CLCF1: variants seen among roughly 807,000 people sequenced by gnomAD.
CLCF1 encodes cardiotrophin like cytokine factor 1.
A neutral mutation model predicts 21.2 loss-of-function variants in CLCF1; 10 were observed. The observed-to-expected ratio is 0.47, with a 90% CI of 0.29 to 0.80. The LOEUF is 0.80. Ranked by LOEUF, CLCF1 falls within the 30% of genes least tolerant of loss-of-function variation. The probability of loss-of-function intolerance (pLI) is 0.09; values close to 1 mark genes in which losing one functional copy is unlikely to be tolerated. For missense variants in CLCF1, 240 were observed against 293.4 expected (o/e 0.82, Z 1.33); for synonymous variants, 115 against 120.5 (o/e 0.95, Z 0.30).
At position 67,367,548 on chromosome 11, in the gene CLCF1, C is replaced by T; in HGVS notation, c.95G>A (p.Gly32Glu). The T allele has an allele frequency of 6.2e-7, 1 of 1,613,496 alleles. No individual in the cohort carries two copies. Among genetic ancestry groups the T allele is most frequent in the Non-Finnish European group, 8.5e-7 (1 of 1,179,768 alleles). Residue 32 changes from glycine (G) to glutamate (E), a missense_variant, in exon 2 of 3, where the codon GGG becomes GAG. By Grantham distance (98) the Gly-to-Glu change is moderately conservative. Transcript: ENST00000312438. Reference protein sequence around the residue: ...LPAVPALNRTGDPGPGPSIQK... With the variant: ...LPAVPALNRTEDPGPGPSIQK... The stretch of plus-strand genomic sequence containing the variant: ...GATGGAGGGGCCAGGCCCTGGGTCC[C>T]CTGTGCGATTGAGAGCTGGCACTGC...
intron 1 of CLCF1, chr11:67,369,778 G>C (rs191112875): frequency 3.0e-6 from 3 of 985,444 alleles, no homozygotes; most frequent in Non-Finnish European, 3.6e-6. Flanking sequence ...CCTTTGTCAT[G>C]GCCAAGAGGT....
chr11:67,366,330 CAA>C (rs1862097584), intron 2 of CLCF1, among the ~76,000 whole-genome samples: 1 of 152,096 alleles, frequency 6.6e-6, no homozygotes, highest in South Asian at 2.1e-4. Context: ...GCACAAGGAA[CAA>C]GAGAGAGATG....
In CLCF1 at chr11:67,370,162, C is replaced by T; in HGVS notation, c.17-2536G>A. 4 of 985,416 alleles carry T rather than the reference C, an allele frequency of 4.1e-6. No homozygotes were observed. The South Asian group carries it at 1.9e-4, about 46-fold the overall frequency. The allele number at this position is 985,416 out of a possible 1,614,324, so 61.0% of individuals were successfully genotyped here. On this transcript the variant is annotated intron_variant, in intron 1 of 2. Coordinates refer to ENST00000312438, the MANE Select transcript of CLCF1 (RefSeq NM_013246.3). ...GCTCTGCCCCTGCTATGACAGCTTC[C>T]ACTCTGGGCAAAGCCATGCCCGTGT...
rs1862066714 is a variant in CLCF1 at position 67,365,041 on chromosome 11, C to T, written c.*95G>A. On this transcript the variant is annotated 3_prime_UTR_variant, in exon 3 of 3. Transcript: ENST00000312438. This position sits in a 1 kb window ranked among gnomAD's most constrained non-coding sequence, Gnocchi z 5.0. Reference sequence around the variant, plus strand: ...GGAAAGGGCCAGAGGCTCACAGCTTCTGTCTCCTGGCTCAACAGGTGTTGG... The same window carrying T: ...GGAAAGGGCCAGAGGCTCACAGCTTTTGTCTCCTGGCTCAACAGGTGTTGG... 1 of 1,593,998 alleles carries T rather than the reference C, an allele frequency of 6.3e-7. No individual in the cohort carries two copies. The highest frequency in any genetic ancestry group is 2.2e-5 in the East Asian group (1 of 44,780).
rs540324450 is a variant in CLCF1, at chr11:67,367,391, C to T, written c.183+69G>A. 7.6e-5 allele frequency: 122 copies of T among 1,611,524 alleles called. 2 individuals carry two copies. The South Asian group carries it at 1.0e-3, about 14-fold the overall frequency. ...CCCCATCATTTACCAGAACCCTCCA[C>T]GGTTAGGACTGTCTTTCCCCAACTC... is the stretch of plus-strand genomic sequence containing the variant. On this transcript the variant is annotated intron_variant, in intron 2 of 2. Coordinates refer to ENST00000312438, the MANE Select transcript of CLCF1 (RefSeq NM_013246.3).
Position 67,367,464 on chromosome 11 carries a change from G to T in CLCF1, c.179C>A (p.Thr60Asn). 6.2e-7 allele frequency: 1 copy of T among 1,614,224 alleles called. No homozygotes were observed. The highest frequency in any genetic ancestry group is 1.7e-5 in the Admixed American group (1 of 60,028). The change falls in exon 2 of 3, where the codon ACC (threonine) becomes AAC (asparagine). Residue 60 changes from threonine (T) to asparagine (N), a missense_variant. Transcript: ENST00000312438. Reference sequence around the variant, plus strand: ...ATTCCTACGCTGGATACTCACATAGGTCCCAGCCAAGCTGCGGAGTTGGTG... The same window carrying T: ...ATTCCTACGCTGGATACTCACATAGTTCCCAGCCAAGCTGCGGAGTTGGTG... ...LEHQLRSLAGTYLNYLGPPFN... is the reference protein window; with the variant it reads ...LEHQLRSLAGNYLNYLGPPFN...
At chr11:67,368,711 G>A (rs1420041615) in intron 1 of CLCF1, 2 of 985,142 alleles carry the variant, frequency 2.0e-6, no homozygotes, top group Admixed American at 1.2e-4. Context: ...GGTTGATTTA[G>A]TGCGGTTGAG....
Position 67,367,627 on chromosome 11 carries a change from C to T in CLCF1, c.17-1G>A. The T allele has an allele frequency of 1.2e-6, 2 of 1,612,872 alleles. No individual in the cohort carries two copies. Among genetic ancestry groups the T allele is most frequent in the Non-Finnish European group, 1.7e-6 (2 of 1,179,886 alleles). On this transcript the variant is annotated splice_acceptor_variant, in intron 1 of 2. Coordinates refer to ENST00000312438, the MANE Select transcript of CLCF1 (RefSeq NM_013246.3). LOFTEE classifies it high-confidence loss of function. The stretch of plus-strand genomic sequence containing the variant: ...CACGCTAACATCCCCCACGAGTCCC[C>T]TGTGGGCAGGATGGACGAGAAGCAT...
chr11:67,373,703 A>G, upstream of CLCF1: 3 of 1,213,574 alleles, frequency 2.5e-6, no homozygotes, highest in Non-Finnish European at 3.1e-6. Flanking sequence ...GGTGTGGGAC[A>G]TTCTGCAAAC....
chr11:67,371,224 C>A (rs895808765), intron 1 of CLCF1: 30 of 293,608 alleles, frequency 1.0e-4, no homozygotes, highest in Admixed American at 7.1e-4. Flanking sequence ...TACTTATCTC[C>A]CTTCTGCCTT....
intron 1 of CLCF1, among the ~76,000 whole-genome samples, chr11:67,371,997 G>T (rs1261319813): frequency 6.6e-6 from 1 of 151,968 alleles, no homozygotes; most frequent in Non-Finnish European, 1.5e-5. Context: ...GGAGCGTGTG[G>T]CTCCAGGGCA....
At chr11:67,373,902 G>A (rs1261049548), upstream of CLCF1, 34 of 932,128 alleles carry the variant, frequency 3.6e-5, no homozygotes, top group Non-Finnish European at 4.5e-5. Flanking sequence ...GGGGGAGGGG[G>A]CGGGGAGGCC....
rs943997735 is a variant in CLCF1 at position 67,372,283 on chromosome 11, G to T, written c.16+1241C>A. Among the ~76,000 whole-genome samples, 3 of 152,040 alleles carry T rather than the reference G, an allele frequency of 2.0e-5. No individual in the cohort carries two copies. Among genetic ancestry groups the T allele is most frequent in the Non-Finnish European group, 4.4e-5 (3 of 67,966 alleles). On this transcript the variant is annotated intron_variant, in intron 1 of 2. Transcript: ENST00000312438. The surrounding 1 kb of genome is among the most constrained non-coding windows in gnomAD (Gnocchi z 5.9). ...CTGGTAGCCCCTCACACCCCGGGGG[G>T]AGGGCCAGGCTGGGAGCTGGGGGAA...
At chr11:67,368,464 CCCAGGATA>C in intron 1 of CLCF1, 2 of 985,206 alleles carry the variant, frequency 2.0e-6, no homozygotes, top group Non-Finnish European at 2.4e-6. Flanking sequence ...GTTTGGACAT[CCCAGGATA>C]CCAGGAGTCC....
At chr11:67,366,786 G>A (rs1013474068) in intron 2 of CLCF1, among the ~76,000 whole-genome samples, 8 of 152,066 alleles carry the variant, frequency 5.3e-5, no homozygotes, top group Non-Finnish European at 1.2e-4. Context: ...TCCAGAGTAG[G>A]GTCTGGGATG....
Position 67,365,133 on chromosome 11 carries a change from A to T in CLCF1, c.*3T>A, listed in dbSNP as rs368623631. 8 of 1,613,626 alleles carry T rather than the reference A, an allele frequency of 5.0e-6. No individual in the cohort carries two copies. Among genetic ancestry groups the T allele is most frequent in the Non-Finnish European group, 6.8e-6 (8 of 1,180,026 alleles). On this transcript the variant is annotated 3_prime_UTR_variant, in exon 3 of 3. Coordinates refer to ENST00000312438, the MANE Select transcript of CLCF1 (RefSeq NM_013246.3). This position sits in a 1 kb window ranked among gnomAD's most constrained non-coding sequence, Gnocchi z 5.0. ...GGGGGAGCGAAGAGGAGAAGGTCAG[A>T]AGTCAGAAGCCATGAGCCCCCAGGT...
intron 2 of CLCF1, 124 bp downstream of exon 2, chr11:67,367,336 G>T: frequency 6.9e-7 from 1 of 1,451,208 alleles, no homozygotes. Context: ...CAGACAGGGG[G>T]ACTGGTGGGA....
At chr11:67,369,907 G>T in intron 1 of CLCF1, 1 of 978,926 alleles carries the variant, frequency 1.0e-6, no homozygotes, top group Non-Finnish European at 1.2e-6. Context: ...GGATAGACAA[G>T]AACTAAGTCA....
rs544450000 is a variant in CLCF1 at position 67,365,615 on chromosome 11, G to A, written c.199C>T (p.Pro67Ser). ...LAGTYLNYLGPPFNEPDFNPP... is the reference protein window; with the variant it reads ...LAGTYLNYLGSPFNEPDFNPP... The stretch of plus-strand genomic sequence containing the variant: ...TTGAAGTCTGGCTCGTTGAAAGGGG[G>A]GCCCAGGTAGTTCAGCTGTGAAAAG... Residue 67 changes from proline (P) to serine (S), a missense_variant, in exon 3 of 3, where the codon CCC (proline) becomes TCC (serine). Transcript: ENST00000312438. The surrounding 1 kb of genome is among the most constrained non-coding windows in gnomAD (Gnocchi z 5.0). 2 of 1,610,714 alleles carry A rather than the reference G, an allele frequency of 1.2e-6. No individual in the cohort carries two copies. Among genetic ancestry groups the A allele is most frequent in the Middle Eastern group, 1.7e-4 (1 of 6,048 alleles).
Sources: allele counts gnomAD v4.1 joint callset (sites outside exome capture counted in the v4.1 genomes callset), GRCh38; gene constraint gnomAD v4.1.1; non-coding constraint Gnocchi (gnomAD v3.1); transcripts MANE v1.5; gene names NCBI Gene and HGNC (gene_info 2026-07-23, HGNC 2026-07-21).